Variants in XIRP2 observed in about 807,000 individuals in gnomAD.
XIRP2 encodes the protein xin actin binding repeat containing 2.
A neutral mutation model predicts 277.0 loss-of-function variants in XIRP2; 236 were observed. That is an observed-to-expected ratio of 0.85 (90% CI 0.77 to 0.95). The LOEUF is 0.95. Ranked by LOEUF, XIRP2 falls within the 40% of genes least tolerant of loss-of-function variation. XIRP2 has a pLI of 0.00. For missense variants in XIRP2, 4,640 were observed against 4,157.5 expected (o/e 1.12, Z -3.19); for synonymous variants, 1,490 against 1,416.5 (o/e 1.05, Z -1.17).
At chr2:167,072,338 A>G (rs1382372686) in intron 2 of XIRP2, among the ~76,000 whole-genome samples, 1 of 152,204 alleles carries the variant, frequency 6.6e-6, no homozygotes, top group Non-Finnish European at 1.5e-5. Flanking sequence ...AATTTTAACC[A>G]TATCAAGTTA....
chr2:167,139,023 C>T (rs1027925638), intron 3 of XIRP2, among the ~76,000 whole-genome samples: 5 of 151,932 alleles, frequency 3.3e-5, no homozygotes, highest in South Asian at 4.1e-4. Context: ...GCCGAGATGG[C>T]GCCACTGCAC....
chr2:167,224,079 G>A (rs1436198851), intron 5 of XIRP2, among the ~76,000 whole-genome samples: 1 of 152,112 alleles, frequency 6.6e-6, no homozygotes, highest in African/African-American at 2.4e-5. Context: ...ATGTCATAAT[G>A]TGGCAGAAAG....
At chr2:166,988,965 A>C (rs1161558257) in intron 2 of XIRP2, among the ~76,000 whole-genome samples, 2 of 111,546 alleles carry the variant, frequency 1.8e-5, no homozygotes, top group African/African-American at 7.2e-5. Context: ...AGCCCACCAC[A>C]GCTCAAGGAG....
At chr2:167,109,020 C>T (rs1014626316) in intron 2 of XIRP2, among the ~76,000 whole-genome samples, 4 of 151,826 alleles carry the variant, frequency 2.6e-5, no homozygotes, top group African/African-American at 9.7e-5. Context: ...GTCCTTCCTC[C>T]CACCCTCTAC....
chr2:167,209,558 C>CTA (rs1693960884), intron 3 of XIRP2, among the ~76,000 whole-genome samples: 1 of 151,832 alleles, frequency 6.6e-6, no homozygotes, highest in African/African-American at 2.4e-5. Context: ...CCTGTAAGTC[C>CTA]CAGAAACTAC....
intron 3 of XIRP2, among the ~76,000 whole-genome samples, chr2:167,138,871 G>T (rs1222696958): frequency 6.6e-6 from 1 of 151,978 alleles, no homozygotes; most frequent in African/African-American, 2.4e-5. Flanking sequence ...TTTGAGACCA[G>T]CCCCGACCAA....
Position 167,240,390 on chromosome 2 carries a change from G to C in XIRP2, c.970-274G>C, listed in dbSNP as rs115038631. On this transcript the variant is annotated intron_variant, in intron 6 of 10. Coordinates refer to ENST00000409195, the MANE Select transcript of XIRP2 (RefSeq NM_152381.6). ...AGTTCGCGCCATTGCACTCCAGCCC[G>C]GGTGACAGTGCAAGACTCCTTCTCA... is the stretch of plus-strand genomic sequence containing the variant. Among the ~76,000 whole-genome samples the C allele has an allele frequency of 5.2e-3, 796 of 152,200 alleles. 9 individuals are homozygous for C. Among genetic ancestry groups the C allele is most frequent in the African/African-American group, 0.018 (737 of 41,518 alleles).
chr2:167,223,798 G>A (rs901946468), intron 5 of XIRP2, among the ~76,000 whole-genome samples: 4 of 152,074 alleles, frequency 2.6e-5, no homozygotes, highest in African/African-American at 4.8e-5. Context: ...TTAATTATGA[G>A]CACTATTTTA....
intron 2 of XIRP2, among the ~76,000 whole-genome samples, chr2:167,027,302 C>G (rs1053327176): frequency 6.6e-6 from 1 of 152,112 alleles, no homozygotes; most frequent in Non-Finnish European, 1.5e-5. Context: ...ACATCAGCTC[C>G]TGAGGCTTCT....
intron 2 of XIRP2, among the ~76,000 whole-genome samples, chr2:167,057,087 T>C (rs1250768662): frequency 6.6e-6 from 1 of 152,172 alleles, no homozygotes; most frequent in African/African-American, 2.4e-5. Flanking sequence ...GTAAAGTGCA[T>C]GGTCCAAGGA....
intron 2 of XIRP2, among the ~76,000 whole-genome samples, chr2:167,010,356 G>A (rs1028521215): frequency 1.3e-5 from 2 of 151,326 alleles, no homozygotes; most frequent in African/African-American, 4.9e-5. Context: ...TTTTTCTCAG[G>A]TTTGTCAAAG....
chr2:166,978,319 G>A (rs1465689785), intron 2 of XIRP2, among the ~76,000 whole-genome samples: 1 of 152,070 alleles, frequency 6.6e-6, no homozygotes, highest in Non-Finnish European at 1.5e-5. Context: ...TAAAGCCTCA[G>A]ACATTTTTAT....
intron 4 of XIRP2, among the ~76,000 whole-genome samples, chr2:167,217,305 A>G (rs1385626475): frequency 6.6e-6 from 1 of 151,940 alleles, no homozygotes; most frequent in East Asian, 1.9e-4. Flanking sequence ...AGAAAAAAAA[A>G]TTAGTTTTCT....
chr2:166,946,625 T>C (rs1272204438), intron 2 of XIRP2, among the ~76,000 whole-genome samples: 2 of 152,100 alleles, frequency 1.3e-5, no homozygotes, highest in African/African-American at 4.8e-5. Context: ...ATATAGACAC[T>C]CATAAGTATT....
intron 3 of XIRP2, among the ~76,000 whole-genome samples, chr2:167,169,350 C>T (rs1285370812): frequency 6.6e-6 from 1 of 152,114 alleles, no homozygotes; most frequent in Non-Finnish European, 1.5e-5. Context: ...ACTGCGTGGC[C>T]CTGGGATTTT....
At chr2:167,089,553 A>T (rs1266536388) in intron 2 of XIRP2, among the ~76,000 whole-genome samples, 1 of 152,126 alleles carries the variant, frequency 6.6e-6, no homozygotes, top group Non-Finnish European at 1.5e-5. Context: ...TAAAATCCAT[A>T]ATTTCTACTG....
At chr2:167,094,699 A>G (rs1690246088) in intron 2 of XIRP2, among the ~76,000 whole-genome samples, 1 of 152,174 alleles carries the variant, frequency 6.6e-6, no homozygotes, top group Non-Finnish European at 1.5e-5. Context: ...TACCAGTACC[A>G]TGCTGTTTTG....
chr2:167,243,332 C>A lies in XIRP2; in HGVS notation c.1940C>A (p.Ala647Asp), dbSNP rs983107734. The change falls in exon 9 of 11, where the codon GCC becomes GAC. Residue 647 changes from alanine to aspartate, a missense_variant. By Grantham distance (126) the Ala-to-Asp change is moderately radical. Transcript: ENST00000409195. ...VENAEKIPEL[A>D]RGDVCTARWM... Reference sequence around the variant, plus strand: ...AATGCAGAGAAAATTCCTGAGCTAGCCAGAGGAGATGTCTGCACAGCTCGG... The same window carrying A: ...AATGCAGAGAAAATTCCTGAGCTAGACAGAGGAGATGTCTGCACAGCTCGG... 3 of 1,614,020 alleles carry A rather than the reference C, an allele frequency of 1.9e-6. No individual in the cohort carries two copies. Among genetic ancestry groups the A allele is most frequent in the South Asian group, 1.1e-5 (1 of 91,076 alleles).
intron 2 of XIRP2, among the ~76,000 whole-genome samples, chr2:166,927,737 G>A (rs1685228103): frequency 6.6e-6 from 1 of 152,064 alleles, no homozygotes; most frequent in Admixed American, 6.6e-5. Context: ...TGCCATGTGT[G>A]GCCACATATT....
Sources: gnomAD v4.1 joint callset for allele counts (sites outside exome capture counted in the v4.1 genomes callset) on GRCh38, gnomAD v4.1.1 for gene constraint, MANE v1.5 for transcripts, NCBI Gene and HGNC (gene_info 2026-07-23, HGNC 2026-07-21) for gene names.